The following CTNNA3 variants were observed in gnomAD, a reference collection of about 807,000 sequenced individuals.
CTNNA3 encodes the protein catenin alpha-3.
CTNNA3 carries 76 observed loss-of-function variants against 95.7 expected under a neutral mutation model. The ratio of observed to expected loss-of-function variants is 0.79; its 90% confidence interval spans 0.66 to 0.96. The LOEUF is 0.96. Ranked by LOEUF, CTNNA3 falls within the 40% of genes least tolerant of loss-of-function variation. The probability of loss-of-function intolerance (pLI) is 0.00; values close to 1 mark genes in which losing one functional copy is unlikely to be tolerated. For missense variants in CTNNA3, 1,191 were observed against 1,089.8 expected, an observed-to-expected ratio of 1.09 and a Z score of -1.31; for synonymous variants, 431 against 374.4, an observed-to-expected ratio of 1.15 and a Z score of -1.74.
intron 7 of CTNNA3, among the ~76,000 whole-genome samples, chr10:67,079,686 A>G (rs1490720214): frequency 6.6e-6 from 1 of 152,018 alleles, no homozygotes; most frequent in East Asian, 1.9e-4. Context: ...CATCTCTACT[A>G]AAAATGCAAA....
intron 11 of CTNNA3, among the ~76,000 whole-genome samples, chr10:66,398,711 ATCT>A (rs1197034371): frequency 6.6e-6 from 1 of 151,978 alleles, no homozygotes; most frequent in African/African-American, 2.4e-5. Flanking sequence ...AGAAATTATA[ATCT>A]TCTCTTTTAC....
In CTNNA3 at chr10:66,208,104, C is replaced by T. The variant is rs936347619; in HGVS notation, c.1884+72366G>A. On this transcript the variant is annotated intron_variant, in intron 13 of 17. Coordinates refer to ENST00000433211, the MANE Select transcript of CTNNA3 (RefSeq NM_013266.4). ...TTTATCAGGGCTCAATTTTCCAACC[C>T]ACTTATAGTTTCAAGATTCCTAGGC... Among the ~76,000 whole-genome samples the T allele has an allele frequency of 5.3e-5, 8 of 152,080 alleles. No homozygotes were observed. In the South Asian group the frequency reaches 8.3e-4, roughly 16 times the overall value.
chr10:66,045,346 GT>G (rs2079807524), intron 15 of CTNNA3, among the ~76,000 whole-genome samples: 1 of 152,100 alleles, frequency 6.6e-6, no homozygotes, highest in African/African-American at 2.4e-5. Flanking sequence ...AAAATATTGT[GT>G]CTCTTTTGCT....
intron 15 of CTNNA3, among the ~76,000 whole-genome samples, chr10:66,006,729 AAAT>A (rs1327295819): frequency 1.3e-5 from 2 of 152,164 alleles, no homozygotes; most frequent in Non-Finnish European, 2.9e-5. Context: ...TAAGCTCAGA[AAAT>A]AATCGCATTC....
At chr10:66,930,800 C>T (rs557614318) in intron 7 of CTNNA3, among the ~76,000 whole-genome samples, 12 of 152,116 alleles carry the variant, frequency 7.9e-5, no homozygotes, top group African/African-American at 2.4e-4. Context: ...TACTAATAAA[C>T]ATAATAATAG....
chr10:66,774,798 T>C (rs1840228818), intron 8 of CTNNA3, among the ~76,000 whole-genome samples: 1 of 152,228 alleles, frequency 6.6e-6, no homozygotes, highest in Non-Finnish European at 1.5e-5. Flanking sequence ...TAGCTAAGTC[T>C]TCCTATTTCT....
intron 5 of CTNNA3, among the ~76,000 whole-genome samples, chr10:67,359,870 CAAG>C (rs1318245539): frequency 6.6e-6 from 1 of 151,996 alleles, no homozygotes; most frequent in East Asian, 1.9e-4. Context: ...AAATGCTAAA[CAAG>C]AAGATCATTC....
At chr10:66,149,404 T>C (rs2084071634) in intron 13 of CTNNA3, among the ~76,000 whole-genome samples, 1 of 151,178 alleles carries the variant, frequency 6.6e-6, no homozygotes, top group African/African-American at 2.4e-5. Context: ...TAAGTAGCTG[T>C]CAGTTTTTTG....
chr10:67,444,849 G>T (rs1015695425), intron 5 of CTNNA3, among the ~76,000 whole-genome samples: 1 of 151,888 alleles, frequency 6.6e-6, no homozygotes, highest in African/African-American at 2.4e-5. Context: ...TGAACCACAA[G>T]GAAATCCAAA....
At chr10:67,548,949 CTAAA>C (rs1840929150) in intron 3 of CTNNA3, among the ~76,000 whole-genome samples, 1 of 151,832 alleles carries the variant, frequency 6.6e-6, no homozygotes, top group South Asian at 2.1e-4. Flanking sequence ...GGCGAAGAGT[CTAAA>C]TAGACATTTC....
chr10:67,359,891 AT>A (rs777163302), intron 5 of CTNNA3, among the ~76,000 whole-genome samples: 1 of 152,140 alleles, frequency 6.6e-6, no homozygotes, highest in Non-Finnish European at 1.5e-5. Context: ...TTCTGAAGGC[AT>A]TTTGTAATCA....
At chr10:67,396,774 G>A (rs180838047) in intron 5 of CTNNA3, among the ~76,000 whole-genome samples, 40 of 133,808 alleles carry the variant, frequency 3.0e-4, no homozygotes, top group Non-Finnish European at 5.2e-4. Context: ...GGAGGGACAC[G>A]GTGGGAGGTA....
chr10:67,469,685 C>G (rs1312520786), intron 5 of CTNNA3, among the ~76,000 whole-genome samples: 1 of 151,956 alleles, frequency 6.6e-6, no homozygotes, highest in East Asian at 1.9e-4. Flanking sequence ...GTGCAGCAAA[C>G]CACCATGGCA....
chr10:66,168,813 G>A (rs2085272154), intron 13 of CTNNA3, among the ~76,000 whole-genome samples: 1 of 152,028 alleles, frequency 6.6e-6, no homozygotes, highest in Non-Finnish European at 1.5e-5. Flanking sequence ...CTAGCAATTG[G>A]CAGCTAAAAG....
chr10:66,782,571 A>G (rs1407219731), intron 7 of CTNNA3, among the ~76,000 whole-genome samples: 7 of 151,820 alleles, frequency 4.6e-5, no homozygotes, highest in Admixed American at 3.9e-4. Flanking sequence ...TATCTGTGAG[A>G]CTTTTGTTAT....
chr10:66,312,825 G>C (rs2092042944), intron 12 of CTNNA3, among the ~76,000 whole-genome samples: 1 of 152,032 alleles, frequency 6.6e-6, no homozygotes, highest in Non-Finnish European at 1.5e-5. Flanking sequence ...GATTACAGGC[G>C]TGAGCTACAA....
At chr10:66,973,265 A>T (rs1456911872) in intron 7 of CTNNA3, among the ~76,000 whole-genome samples, 3 of 152,198 alleles carry the variant, frequency 2.0e-5, no homozygotes, top group Non-Finnish European at 4.4e-5. Context: ...ACTATAATGT[A>T]TGAGTTTTGA....
At chr10:67,410,370 G>T (rs1845317124) in intron 5 of CTNNA3, among the ~76,000 whole-genome samples, 1 of 152,092 alleles carries the variant, frequency 6.6e-6, no homozygotes, top group Non-Finnish European at 1.5e-5. Flanking sequence ...GGGGTGAGAG[G>T]AGGGAGAGGA....
At chr10:65,978,472 T>C (rs2078252058) in intron 16 of CTNNA3, among the ~76,000 whole-genome samples, 1 of 139,592 alleles carries the variant, frequency 7.2e-6, no homozygotes, top group South Asian at 2.3e-4. Context: ...TCAGCTTTTG[T>C]TCCTGAGCAA....
Sources: allele counts gnomAD v4.1 joint callset (sites outside exome capture counted in the v4.1 genomes callset), GRCh38; gene constraint gnomAD v4.1.1; transcripts MANE v1.5; gene names NCBI Gene and HGNC (gene_info 2026-07-23, HGNC 2026-07-21).